The following SDK2 variants were observed in gnomAD, a reference collection of about 807,000 sequenced individuals.
The protein encoded by SDK2 is sidekick cell adhesion molecule 2.
SDK2 carries 105 observed loss-of-function variants against 253.9 expected under a neutral mutation model. That is an observed-to-expected ratio of 0.41 (90% CI 0.35 to 0.49). The LOEUF is 0.49. SDK2 is among the 20% of genes least tolerant of loss of function. The pLI is 0.06. For missense variants in SDK2, 2,608 were observed against 3,003.0 expected (o/e 0.87, Z 3.07); for synonymous variants, 1,249 against 1,234.9 (o/e 1.01, Z -0.24).
chr17:73,571,264 G>A (rs1311429606), intron 1 of SDK2, among the ~76,000 whole-genome samples: 5 of 152,192 alleles, frequency 3.3e-5, no homozygotes, highest in Non-Finnish European at 5.9e-5. Context: ...CAATGAAGAG[G>A]CTAAGGAGGG....
intron 2 of SDK2, among the ~76,000 whole-genome samples, chr17:73,476,543 T>C (rs183617311): frequency 3.9e-5 from 6 of 152,354 alleles, no homozygotes; most frequent in African/African-American, 1.4e-4. Flanking sequence ...CAGGGGCTCA[T>C]TGGATCTGGA....
intron 1 of SDK2, among the ~76,000 whole-genome samples, chr17:73,542,948 C>T (rs868845580): frequency 6.6e-6 from 1 of 152,164 alleles, no homozygotes. Flanking sequence ...GAGCGAGACT[C>T]GGATCTGGGG....
intron 18 of SDK2, among the ~76,000 whole-genome samples, chr17:73,410,315 G>GTT (rs78288800): frequency 2.4e-4 from 26 of 106,468 alleles, no homozygotes; most frequent in African/African-American, 3.6e-4. Flanking sequence ...TTTTGTTTTT[G>GTT]TTTGTTTGTT....
At chr17:73,575,399 C>G (rs749303487) in intron 1 of SDK2, among the ~76,000 whole-genome samples, 1 of 152,216 alleles carries the variant, frequency 6.6e-6, no homozygotes, top group Non-Finnish European at 1.5e-5. Context: ...CGTTCATTCA[C>G]CAGGTATTTC....
intron 36 of SDK2, among the ~76,000 whole-genome samples, chr17:73,377,305 G>A (rs1041130069): frequency 1.4e-5 from 2 of 144,662 alleles, no homozygotes; most frequent in African/African-American, 5.2e-5. Context: ...TGCAACCTCT[G>A]TCTCCTGGGT....
intron 39 of SDK2, 36 bp from the exon 40 acceptor site, chr17:73,358,240 AC>A (rs1355922509): frequency 6.4e-7 from 1 of 1,557,400 alleles, no homozygotes; most frequent in Non-Finnish European, 8.6e-7. Context: ...GATGTATGGA[AC>A]CCAGAACAGC....
intron 18 of SDK2, among the ~76,000 whole-genome samples, chr17:73,413,414 A>T (rs980400274): frequency 2.0e-5 from 3 of 152,080 alleles, no homozygotes; most frequent in Admixed American, 1.3e-4. Context: ...AGTAACAGAA[A>T]TAAAGTGCAC....
At chr17:73,342,396 C>G (rs936409326) in intron 44 of SDK2, among the ~76,000 whole-genome samples, 8 of 152,194 alleles carry the variant, frequency 5.3e-5, no homozygotes, top group African/African-American at 1.9e-4. Flanking sequence ...ACAGGCAGGC[C>G]AGGGAGACTC....
rs558638098 is a variant in SDK2, at chr17:73,374,582, C to G, written c.4980+4595G>C. 1.2e-3 allele frequency among the ~76,000 whole-genome samples: 166 copies of G among 143,952 alleles called. 31 individuals are homozygous for G. The South Asian group carries it at 0.037, about 32-fold the overall frequency. The allele number at this position is 143,952 out of a possible 152,430, so 94.4% of individuals were successfully genotyped here. A position where few individuals can be genotyped will look rare whatever the true frequency, so the allele number is the denominator to read the frequency against. ...TTCTGGGTTCAAGGGATTCTTTTGC[C>G]TCAGCCTCCCCAGTAGCTGGAATTA... On this transcript the variant is annotated intron_variant, in intron 36 of 44. Transcript: ENST00000392650.
At chr17:73,471,628 T>C (rs2063651809) in intron 3 of SDK2, among the ~76,000 whole-genome samples, 1 of 151,872 alleles carries the variant, frequency 6.6e-6, no homozygotes, top group Non-Finnish European at 1.5e-5. Context: ...ATAAAAGTCA[T>C]GGAGGCCCTG....
intron 1 of SDK2, among the ~76,000 whole-genome samples, chr17:73,603,609 A>G (rs892164137): frequency 6.6e-6 from 1 of 152,220 alleles, no homozygotes; most frequent in East Asian, 1.9e-4. Flanking sequence ...TAAACATGGC[A>G]GCAGCCACTT....
chr17:73,368,510 C>T lies in SDK2; in HGVS notation c.5064G>A (p.Lys1688=). The change falls in exon 37 of 45, where the codon AAG becomes AAA. Residue 1688 remains lysine (K), a synonymous_variant. Coordinates refer to ENST00000392650, the MANE Select transcript of SDK2 (RefSeq NM_001144952.2). The part of the protein sequence containing the change: ...LFLAENSVKL[K]NLTGYTAYMV... ...TGTAGGCCGTGTAGCCAGTCAAGTT[C>T]TTGAGCTTCACGCTGTTCTCAGCCA... The T allele has an allele frequency of 6.2e-7, 1 of 1,610,980 alleles. No individual in the cohort carries two copies. Among genetic ancestry groups the T allele is most frequent in the Non-Finnish European group, 8.5e-7 (1 of 1,178,838 alleles).
At chr17:73,345,653 G>A (rs1367711862) in intron 44 of SDK2, among the ~76,000 whole-genome samples, 1 of 152,146 alleles carries the variant, frequency 6.6e-6, no homozygotes, top group Non-Finnish European at 1.5e-5. Context: ...TCTTACCTGT[G>A]CTGGTATGCA....
Position 73,385,805 on chromosome 17 carries a change from C to T in SDK2, c.4569+42G>A, listed in dbSNP as rs371475544. On this transcript the variant is annotated intron_variant, in intron 32 of 44. Coordinates refer to ENST00000392650, the MANE Select transcript of SDK2 (RefSeq NM_001144952.2). ...GGCTTTCCAGTCCCAGAGCAGAGCTCGTCTGGGTCTTCACGGAGGTTTCCT... is the reference window on the plus strand; with the variant it reads ...GGCTTTCCAGTCCCAGAGCAGAGCTTGTCTGGGTCTTCACGGAGGTTTCCT... 55 of 1,540,046 alleles carry T rather than the reference C, an allele frequency of 3.6e-5. No homozygotes were observed. In the African/African-American group the frequency reaches 5.2e-4, roughly 14 times the overall value.
At chr17:73,368,838 C>T (rs999693555) in intron 36 of SDK2, among the ~76,000 whole-genome samples, 41 of 151,976 alleles carry the variant, frequency 2.7e-4, no homozygotes, top group African/African-American at 8.7e-4. Context: ...GGTGAATCCC[C>T]GTTTCTACTG....
intron 36 of SDK2, among the ~76,000 whole-genome samples, chr17:73,375,230 C>CTTTTTT (rs33992958): frequency 8.5e-5 from 5 of 58,578 alleles, no homozygotes; most frequent in East Asian, 6.2e-4. Context: ...TCCTAACAAC[C>CTTTTTT]TTTTTTTTTT....
At chr17:73,377,172 T>G (rs796506958) in intron 36 of SDK2, among the ~76,000 whole-genome samples, 5 of 151,412 alleles carry the variant, frequency 3.3e-5, no homozygotes, top group African/African-American at 9.7e-5. Flanking sequence ...AGCTAAGGGT[T>G]ATGTGTTCCA....
At position 73,335,562 on chromosome 17, in the gene SDK2, A is replaced by AAATCT. The variant is rs1387627637; in HGVS notation, c.*3020_*3024dup. On this transcript the variant is annotated 3_prime_UTR_variant, in exon 45 of 45. Coordinates refer to ENST00000392650, the MANE Select transcript of SDK2 (RefSeq NM_001144952.2). ...AAGGGCAAAGAGACGTGTCCTGAAAAAATCTAGAGTTCCACAGCTGCAGGC... is the reference window on the plus strand; with the variant it reads ...AAGGGCAAAGAGACGTGTCCTGAAAAAATCTAATCTAGAGTTCCACAGCTGCAGGC... The AAATCT allele has an allele frequency of 5.9e-5, 9 of 152,250 alleles. No individual in the cohort carries two copies. Among genetic ancestry groups the AAATCT allele is most frequent in the African/African-American group, 2.2e-4 (9 of 41,450 alleles). The allele number at this position is 152,250 out of a possible 1,614,324, so 9.4% of individuals were successfully genotyped here.
chr17:73,436,028 A>C (rs182450477), intron 8 of SDK2, among the ~76,000 whole-genome samples: 1 of 152,234 alleles, frequency 6.6e-6, no homozygotes, highest in Non-Finnish European at 1.5e-5. Context: ...TGCTAGGATG[A>C]CAGGTGTGAG....
Sources: gnomAD v4.1 joint callset for allele counts (sites outside exome capture counted in the v4.1 genomes callset) on GRCh38, gnomAD v4.1.1 for gene constraint, MANE v1.5 for transcripts, NCBI Gene and HGNC (gene_info 2026-07-23, HGNC 2026-07-21) for gene names.